Variants in USP43 observed in about 807,000 individuals in gnomAD.
USP43 encodes ubiquitin specific peptidase 43, also known as ubiquitin carboxyl-terminal hydrolase 43.
Under a neutral mutation model 90.7 loss-of-function variants are expected in USP43, and 33 were observed. That is an observed-to-expected ratio of 0.36 (90% CI 0.28 to 0.49). The LOEUF is 0.49. Ranked by LOEUF, USP43 falls within the 20% of genes least tolerant of loss-of-function variation. USP43 has a pLI of 0.98. For synonymous variants in USP43, 598 were observed against 615.8 expected (o/e 0.97, Z 0.43); for missense variants, 1,274 against 1,476.4 (o/e 0.86, Z 2.25).
chr17:9,682,017 T>G (rs1228302835), intron 6 of USP43, among the ~76,000 whole-genome samples: 1 of 152,168 alleles, frequency 6.6e-6, no homozygotes, highest in Admixed American at 6.5e-5. Context: ...TCCTTTCAAA[T>G]TCAATCATGG....
At chr17:9,672,662 G>A (rs963074631) in intron 3 of USP43, among the ~76,000 whole-genome samples, 2 of 152,124 alleles carry the variant, frequency 1.3e-5, no homozygotes, top group Non-Finnish European at 2.9e-5. Context: ...AGAAATGTTG[G>A]ATTTCTGGCT....
intron 9 of USP43, among the ~76,000 whole-genome samples, chr17:9,695,465 A>G (rs1309753557): frequency 2.0e-5 from 3 of 151,666 alleles, no homozygotes; most frequent in African/African-American, 4.8e-5. Flanking sequence ...TTCCAAGTAT[A>G]TGGTACTACA....
In USP43 at chr17:9,729,222, G is replaced by A. The variant is rs1917456976; in HGVS notation, c.*232G>A. The A allele has an allele frequency of 2.8e-6, 1 of 352,442 alleles. No individual in the cohort carries two copies. Among genetic ancestry groups the A allele is most frequent in the East Asian group, 4.5e-5 (1 of 22,234 alleles). The allele number at this position is 352,442 out of a possible 1,614,324, so 21.8% of individuals were successfully genotyped here. A position where few individuals can be genotyped will look rare whatever the true frequency, so the allele number is the denominator to read the frequency against. On this transcript the variant is annotated 3_prime_UTR_variant, in exon 15 of 15. Transcript: ENST00000285199. ...ATCATTGGGTGCTTTGCTACAGTTT[G>A]GCCACTAGAGGATGCTATTGGGTCA...
intron 14 of USP43, among the ~76,000 whole-genome samples, chr17:9,715,687 ATGTGTGTGTGTC>A (rs1375248377): frequency 3.3e-5 from 3 of 91,582 alleles, no homozygotes; most frequent in African/African-American, 9.9e-5. Context: ...GTCTGTGTGT[ATGTGTGTGTGTC>A]TGTGTGTGTC....
intron 14 of USP43, among the ~76,000 whole-genome samples, chr17:9,714,383 A>G (rs1234400160): frequency 6.6e-6 from 1 of 152,120 alleles, no homozygotes; most frequent in Non-Finnish European, 1.5e-5. Context: ...GAAATAGTAC[A>G]GATGAAAAAG....
intron 7 of USP43, among the ~76,000 whole-genome samples, chr17:9,683,236 G>A (rs942142798): frequency 3.9e-5 from 6 of 152,084 alleles, no homozygotes; most frequent in East Asian, 1.9e-4. Context: ...AAACCTAGGC[G>A]GTGCAGTGCT....
chr17:9,694,138 C>T (rs1041780896), intron 9 of USP43, among the ~76,000 whole-genome samples: 3 of 152,194 alleles, frequency 2.0e-5, no homozygotes, highest in South Asian at 2.1e-4. Context: ...TTTATTTTCC[C>T]ATAGACCCCC....
rs758290247 is a variant in USP43 at position 9,676,789 on chromosome 17, T to C, written c.877T>C (p.Phe293Leu). The stretch of plus-strand genomic sequence containing the variant: ...GGTCTTCCCCTCTAAGAGCCAGCGG[T>C]TCCTGCGGGTTGGCCTGGCCGTGCC... ...TLVFPSKSQR[F>L]LRVGLAVPIL... The change falls in exon 5 of 15, where the codon TTC (phenylalanine) becomes CTC (leucine). Residue 293 changes from phenylalanine to leucine, a missense_variant. Around this residue, in one of 6 missense-constraint regions of USP43, gnomAD observed 259 missense variants for 373.7 expected, o/e 0.69. Coordinates refer to ENST00000285199, the MANE Select transcript of USP43 (RefSeq NM_153210.5). The C allele has an allele frequency of 1.2e-6, 2 of 1,613,946 alleles. No individual in the cohort carries two copies. Among genetic ancestry groups the C allele is most frequent in the South Asian group, 2.2e-5 (2 of 91,068 alleles).
rs1567660574 is a variant in USP43, at chr17:9,681,125, T to TATATACTATATA, written c.1105+765_1105+776dup. Among the ~76,000 whole-genome samples, 14 of 110,938 alleles carry TATATACTATATA rather than the reference T, an allele frequency of 1.3e-4. 1 individual carries two copies. The highest frequency in any genetic ancestry group is 5.2e-4 in the African/African-American group (12 of 23,114). The allele number at this position is 110,938 out of a possible 152,430, so 72.8% of individuals were successfully genotyped here. A position where few individuals can be genotyped will look rare whatever the true frequency, so the allele number is the denominator to read the frequency against. ...ATACTATATAATATATACTATATAA[T>TATATACTATATA]ATATACTATATAATATATACTATAT... On this transcript the variant is annotated intron_variant, in intron 6 of 14. Transcript: ENST00000285199.
chr17:9,722,459 CTTGATT>C (rs1917012798), intron 14 of USP43, among the ~76,000 whole-genome samples: 2 of 152,146 alleles, frequency 1.3e-5, no homozygotes, highest in South Asian at 4.1e-4. Flanking sequence ...AGCTGCGAAA[CTTGATT>C]TTGTTCATTT....
At chr17:9,650,731 ATT>A (rs1387346846) in intron 1 of USP43, among the ~76,000 whole-genome samples, 1 of 152,168 alleles carries the variant, frequency 6.6e-6, no homozygotes. Context: ...TTTACGATCT[ATT>A]CCCTTGGCAA....
In USP43 at chr17:9,681,171, TAC is replaced by T. The variant is rs1224790940; in HGVS notation, c.1105+806_1105+807del. The stretch of plus-strand genomic sequence containing the variant: ...TATATAATATATACTATATAATATA[TAC>T]TATATAATATACTATATAATATATA... On this transcript the variant is annotated intron_variant, in intron 6 of 14. Coordinates refer to ENST00000285199, the MANE Select transcript of USP43 (RefSeq NM_153210.5). Among the ~76,000 whole-genome samples, 7 of 83,768 alleles carry T rather than the reference TAC, an allele frequency of 8.4e-5. 1 individual carries two copies. Among genetic ancestry groups the T allele is most frequent in the Admixed American group, 1.6e-4 (1 of 6,210 alleles). 55.0% of individuals were successfully genotyped at this position (83,768 alleles called of 152,430 possible).
At chr17:9,654,983 C>A (rs1912132539) in intron 1 of USP43, among the ~76,000 whole-genome samples, 1 of 151,614 alleles carries the variant, frequency 6.6e-6, no homozygotes, top group Non-Finnish European at 1.5e-5. Context: ...AGTGATCCAT[C>A]CGCCTCGGCC....
chr17:9,680,036 C>A (rs375933012), intron 5 of USP43, among the ~76,000 whole-genome samples, 195 bp from the exon 6 acceptor site: 4 of 94,744 alleles, frequency 4.2e-5, no homozygotes, highest in African/African-American at 1.7e-4. Flanking sequence ...TTTTCAGTTT[C>A]TTTTTTTGTT....
At chr17:9,665,932 G>A (rs1040334058) in intron 2 of USP43, among the ~76,000 whole-genome samples, 57 of 152,290 alleles carry the variant, frequency 3.7e-4, no homozygotes, top group Non-Finnish European at 2.6e-4. Flanking sequence ...TAGAGCCTCC[G>A]GAGGGAGTGC....
chr17:9,721,980 C>T (rs1195638498), intron 14 of USP43, among the ~76,000 whole-genome samples: 2 of 151,808 alleles, frequency 1.3e-5, no homozygotes, highest in African/African-American at 2.4e-5. Flanking sequence ...AGGTGATCCA[C>T]CTGCCTCAGC....
At chr17:9,673,791 A>G (rs890434540) in intron 3 of USP43, among the ~76,000 whole-genome samples, 1 of 152,160 alleles carries the variant, frequency 6.6e-6, no homozygotes, top group African/African-American at 2.4e-5. Flanking sequence ...GTATAATATC[A>G]GTTGCTATGG....
At chr17:9,650,725 C>T (rs1220638135) in intron 1 of USP43, among the ~76,000 whole-genome samples, 1 of 152,090 alleles carries the variant, frequency 6.6e-6, no homozygotes, top group African/African-American at 2.4e-5. Context: ...AGAACATTTA[C>T]GATCTATTCC....
rs1475379279 is a variant in USP43, at chr17:9,696,483, A to G, written c.1457+3253A>G. Among the ~76,000 whole-genome samples, 3 of 152,054 alleles carry G rather than the reference A, an allele frequency of 2.0e-5. No individual in the cohort carries two copies. The East Asian group carries it at 5.8e-4, about 29-fold the overall frequency. ...GGTTCTGTCTACTGCCTTTAGGCCA[A>G]AGTCTCCTAGATCCATATCTCCTGC... On this transcript the variant is annotated intron_variant, in intron 9 of 14. Transcript: ENST00000285199.
Sources: gnomAD v4.1 joint callset for allele counts (sites outside exome capture counted in the v4.1 genomes callset) on GRCh38, gnomAD v4.1.1 for gene constraint, gnomAD v4.1.1 regional missense constraint, MANE v1.5 for transcripts, NCBI Gene and HGNC (gene_info 2026-07-23, HGNC 2026-07-21) for gene names.